Variants in FBXO4 observed in about 807,000 individuals in gnomAD.
FBXO4 encodes the protein F-box protein 4, also known as F-box only protein 4.
A neutral mutation model predicts 43.7 loss-of-function variants in FBXO4; 36 were observed. The observed-to-expected ratio is 0.82, with a 90% CI of 0.63 to 1.09. The LOEUF (loss-of-function observed/expected upper bound fraction) is 1.09, where lower values mean the gene tolerates loss of function less well. FBXO4 is among the 50% of genes least tolerant of loss of function. The pLI is 0.00. For missense variants in FBXO4, 435 were observed against 474.1 expected (o/e 0.92, Z 0.77); for synonymous variants, 180 against 165.6 (o/e 1.09, Z -0.67).
At chr5:41,931,203 C>G (rs890040917) in intron 3 of FBXO4, among the ~76,000 whole-genome samples, 4 of 152,086 alleles carry the variant, frequency 2.6e-5, no homozygotes, top group African/African-American at 9.7e-5. Flanking sequence ...CATTAAGAAG[C>G]CACTGTAATG....
chr5:41,995,430 G>A, the FBXO4 span, among the ~76,000 whole-genome samples: 1 of 152,206 alleles, frequency 6.6e-6, no homozygotes, highest in East Asian at 1.9e-4. Flanking sequence ...AGGACTAAGT[G>A]TTCTTCTCTG....
the FBXO4 span, among the ~76,000 whole-genome samples, chr5:42,025,031 C>A: frequency 6.6e-6 from 1 of 151,886 alleles, no homozygotes; most frequent in East Asian, 1.9e-4. Flanking sequence ...GATATCTCTT[C>A]AATATATTGA....
the FBXO4 span, among the ~76,000 whole-genome samples, chr5:41,994,315 C>A: frequency 6.5e-4 from 99 of 152,184 alleles, no homozygotes; most frequent in Admixed American, 5.9e-4. Context: ...CAAGTGTATA[C>A]ATGCATAAAC....
the FBXO4 span, among the ~76,000 whole-genome samples, chr5:41,956,571 T>C: frequency 2.0e-5 from 3 of 152,128 alleles, no homozygotes; most frequent in Non-Finnish European, 1.5e-5. Flanking sequence ...TTTTTTTTGG[T>C]TGGATATAGA....
chr5:42,014,265 G>C, the FBXO4 span, among the ~76,000 whole-genome samples: 3 of 152,064 alleles, frequency 2.0e-5, no homozygotes, highest in Admixed American at 2.0e-4. Context: ...CCCATCTTCT[G>C]ATTTTATTTA....
chr5:42,021,758 T>A, the FBXO4 span, among the ~76,000 whole-genome samples: 2 of 152,158 alleles, frequency 1.3e-5, no homozygotes, highest in Admixed American at 6.6e-5. Flanking sequence ...CTTTCGCTTC[T>A]CATTTGGTAT....
the FBXO4 span, among the ~76,000 whole-genome samples, chr5:42,000,529 A>G: frequency 6.6e-6 from 1 of 152,138 alleles, no homozygotes; most frequent in Non-Finnish European, 1.5e-5. Flanking sequence ...CTCTCATTCC[A>G]TAGGTTGCCT....
chr5:42,010,873 T>C, the FBXO4 span, among the ~76,000 whole-genome samples: 1 of 152,132 alleles, frequency 6.6e-6, no homozygotes, highest in South Asian at 2.1e-4. Context: ...CTGCTCTTTC[T>C]TTTTCTTTTT....
chr5:41,976,199 G>GA, the FBXO4 span, among the ~76,000 whole-genome samples: 1 of 152,094 alleles, frequency 6.6e-6, no homozygotes, highest in Non-Finnish European at 1.5e-5. Flanking sequence ...ATTTGGAGGG[G>GA]AAAAATGTCC....
At chr5:41,977,186 C>T in the FBXO4 span, among the ~76,000 whole-genome samples, 6 of 152,174 alleles carry the variant, frequency 3.9e-5, no homozygotes, top group African/African-American at 7.2e-5. Context: ...TCTGCAATGC[C>T]TTTGAAGTCT....
At chr5:41,981,537 T>C in the FBXO4 span, among the ~76,000 whole-genome samples, 3 of 151,974 alleles carry the variant, frequency 2.0e-5, no homozygotes, top group African/African-American at 7.2e-5. Flanking sequence ...ATTATTTCTA[T>C]AACGTATACT....
chr5:41,975,275 G>A, the FBXO4 span, among the ~76,000 whole-genome samples: 1 of 152,298 alleles, frequency 6.6e-6, no homozygotes, highest in South Asian at 2.1e-4. Flanking sequence ...ATCTCTTCCT[G>A]CTGGAATTGT....
chr5:41,952,751 A>G, the FBXO4 span, among the ~76,000 whole-genome samples: 4 of 152,080 alleles, frequency 2.6e-5, no homozygotes, highest in Non-Finnish European at 5.9e-5. Flanking sequence ...TTTTAGTTTA[A>G]GTATTTTCTG....
chr5:41,949,670 A>G, the FBXO4 span, among the ~76,000 whole-genome samples: 1 of 152,162 alleles, frequency 6.6e-6, no homozygotes, highest in Admixed American at 6.5e-5. Flanking sequence ...ATGCTATCCC[A>G]ATCAAGCTAC....
intron 3 of FBXO4, among the ~76,000 whole-genome samples, chr5:41,930,650 T>TTTTC (rs59530568): frequency 0.062 from 9,290 of 150,316 alleles, 1,052 homozygotes; most frequent in African/African-American, 0.22. Flanking sequence ...AACTACATTT[T>TTTTC]TTTCTTTCTT....
chr5:41,936,808 G>C (rs947214871), intron 5 of FBXO4, among the ~76,000 whole-genome samples: 2 of 151,984 alleles, frequency 1.3e-5, no homozygotes, highest in Non-Finnish European at 2.9e-5. Flanking sequence ...GTGAGAGTTG[G>C]GGGAATCTAT....
At chr5:42,022,701 C>T in the FBXO4 span, among the ~76,000 whole-genome samples, 5 of 152,118 alleles carry the variant, frequency 3.3e-5, no homozygotes, top group Non-Finnish European at 7.4e-5. Flanking sequence ...TTTTTGTTTA[C>T]TCACACAGTA....
At chr5:41,987,693 T>A in the FBXO4 span, among the ~76,000 whole-genome samples, 3 of 152,238 alleles carry the variant, frequency 2.0e-5, no homozygotes, top group Non-Finnish European at 2.9e-5. Context: ...TTTGCTTGTG[T>A]GCATTTTACC....
chr5:41,971,978 A>T, the FBXO4 span, among the ~76,000 whole-genome samples: 2 of 152,108 alleles, frequency 1.3e-5, no homozygotes, highest in Non-Finnish European at 2.9e-5. Context: ...CCCACAGCTA[A>T]CATCATACTA....
Sources: gnomAD v4.1 joint callset for allele counts (sites outside exome capture counted in the v4.1 genomes callset) on GRCh38, gnomAD v4.1.1 for gene constraint, MANE v1.5 for transcripts, NCBI Gene and HGNC (gene_info 2026-07-23, HGNC 2026-07-21) for gene names.